The following SLC12A2 variants were observed in gnomAD, a reference collection of about 807,000 sequenced individuals.
SLC12A2 encodes Na-K-2Cl cotransporter 1.
SLC12A2 carries 67 observed loss-of-function variants against 136.3 expected under a neutral mutation model. The observed-to-expected ratio is 0.49, with a 90% confidence interval of 0.40 to 0.60. The LOEUF (loss-of-function observed/expected upper bound fraction) is 0.60. Ranked by LOEUF, SLC12A2 falls within the 20% of genes least tolerant of loss-of-function variation. SLC12A2 has a pLI of 0.00. For synonymous variants in SLC12A2, 619 were observed against 562.9 expected, an observed-to-expected ratio of 1.10 and a Z score of -1.41; for missense variants, 1,322 against 1,534.7, an observed-to-expected ratio of 0.86 and a Z score of 2.32.
intron 20 of SLC12A2, among the ~76,000 whole-genome samples, chr5:128,175,926 T>C (rs1214441208): frequency 6.6e-6 from 1 of 152,036 alleles, no homozygotes; most frequent in Non-Finnish European, 1.5e-5. Context: ...TAATATTAAA[T>C]CTAATGATTC....
At chr5:128,155,838 G>T (rs140959881) in intron 15 of SLC12A2, among the ~76,000 whole-genome samples, 2 of 152,226 alleles carry the variant, frequency 1.3e-5, no homozygotes, top group African/African-American at 2.4e-5. Flanking sequence ...GATCTGATTA[G>T]ATTTTCCAGA....
rs1763803165 is a variant in SLC12A2 at position 128,184,445 on chromosome 5, AAAG to A, written c.3384_3386del (p.Glu1128del). ...AGAGCAAGATATTGCAGATAAAATGAAAGAAGATGAACCATGGCGAATAACAGA... is the reference window on the plus strand; with the variant it reads ...AGAGCAAGATATTGCAGATAAAATGAAAGATGAACCATGGCGAATAACAGA... On this transcript the variant is annotated inframe_deletion, in exon 25 of 27. Coordinates refer to ENST00000262461, the MANE Select transcript of SLC12A2 (RefSeq NM_001046.3). 4.4e-6 allele frequency: 7 copies of A among 1,608,972 alleles called. No homozygotes were observed. Among genetic ancestry groups the A allele is most frequent in the Non-Finnish European group, 5.9e-6 (7 of 1,176,956 alleles).
chr5:128,178,091 A>G (rs907192694), intron 21 of SLC12A2, among the ~76,000 whole-genome samples: 1 of 151,912 alleles, frequency 6.6e-6, no homozygotes, highest in African/African-American at 2.4e-5. Flanking sequence ...TATGTCTTCA[A>G]CTCCCATCTT....
intron 4 of SLC12A2, among the ~76,000 whole-genome samples, chr5:128,121,861 G>A (rs1761594168): frequency 6.6e-6 from 1 of 152,154 alleles, no homozygotes; most frequent in South Asian, 2.1e-4. Flanking sequence ...ATTTTATAGA[G>A]TTTCCACGGA....
intron 15 of SLC12A2, 70 bp from the exon 16 acceptor site, chr5:128,157,983 A>G (rs1480381616): frequency 7.7e-7 from 1 of 1,299,232 alleles, no homozygotes. Context: ...TTCTTAGGGA[A>G]ACAACTTAAA....
In SLC12A2 at chr5:128,134,168, C is replaced by G; in HGVS notation, c.1192C>G (p.His398Asp). The change falls in exon 6 of 27, where the codon CAT becomes GAT. Residue 398 changes from histidine to aspartate, a missense_variant. Physicochemically the swap from His to Asp is moderately conservative, Grantham distance 81 (BLOSUM62 -1). Around this residue, in one of 8 missense-constraint regions of SLC12A2, gnomAD observed 110 missense variants for 114.5 expected, o/e 0.96. Transcript: ENST00000262461. The part of the protein sequence containing the change: ...AETVVELLKE[H>D]SILMIDEIND... ...TATTTATGATTCCTTTTTCTAGGAA[C>G]ATTCCATACTTATGATAGATGAAAT... The G allele has an allele frequency of 6.6e-7, 1 of 1,508,040 alleles. No individual in the cohort carries two copies. The highest frequency in any genetic ancestry group is 1.1e-5 in the South Asian group (1 of 87,502). 93.4% of individuals were successfully genotyped at this position (1,508,040 alleles called of 1,614,324 possible).
intron 26 of SLC12A2, 61 bp downstream of exon 26, chr5:128,184,917 T>A: frequency 7.1e-7 from 1 of 1,409,508 alleles, no homozygotes; most frequent in Non-Finnish European, 1.0e-6. Context: ...TTGAATTAAT[T>A]TCTATTCCAA....
chr5:128,134,978 A>G (rs1378006776), intron 6 of SLC12A2, among the ~76,000 whole-genome samples: 2 of 152,118 alleles, frequency 1.3e-5, no homozygotes, highest in African/African-American at 4.8e-5. Context: ...GTAAAGTCAT[A>G]TTAGTGTAAA....
intron 10 of SLC12A2, among the ~76,000 whole-genome samples, chr5:128,142,488 G>A (rs1365194775): frequency 6.6e-6 from 1 of 152,056 alleles, no homozygotes; most frequent in East Asian, 1.9e-4. Flanking sequence ...ATGTTCAAGA[G>A]CAAAGAGCCC....
At chr5:128,089,169 CAAAAAAA>C (rs34686489) in intron 1 of SLC12A2, among the ~76,000 whole-genome samples, 1 of 119,780 alleles carries the variant, frequency 8.3e-6, no homozygotes, top group Non-Finnish European at 1.7e-5. Context: ...ACTTTGTCTC[CAAAAAAA>C]AAAAAAAAAA....
At chr5:128,114,921 T>C (rs1422365983) in intron 4 of SLC12A2, among the ~76,000 whole-genome samples, 1 of 152,174 alleles carries the variant, frequency 6.6e-6, no homozygotes, top group African/African-American at 2.4e-5. Context: ...GCATCTACTT[T>C]GGTCTCTTAT....
intron 17 of SLC12A2, among the ~76,000 whole-genome samples, chr5:128,163,256 C>T (rs1241097568): frequency 6.6e-6 from 1 of 152,168 alleles, no homozygotes; most frequent in Non-Finnish European, 1.5e-5. Context: ...AGGCCGGGCA[C>T]AGTGGCTCAC....
intron 1 of SLC12A2, among the ~76,000 whole-genome samples, chr5:128,103,147 C>T (rs1760806203): frequency 6.6e-6 from 1 of 152,162 alleles, no homozygotes; most frequent in Non-Finnish European, 1.5e-5. Flanking sequence ...ATTTTTTCAA[C>T]TTGAAAATAA....
chr5:128,170,957 G>T (rs1159609811), intron 18 of SLC12A2: 1 of 152,110 alleles, frequency 6.6e-6, no homozygotes, highest in Non-Finnish European at 1.5e-5. Context: ...TTAGCCAGGC[G>T]TGCTGGTGTG....
At position 128,102,596 on chromosome 5, in the gene SLC12A2, CTTTTTTTTTTTTTTTT is replaced by C. The variant is rs70997362; in HGVS notation, c.757-10202_757-10187del. On this transcript the variant is annotated intron_variant, in intron 1 of 26. Coordinates refer to ENST00000262461, the MANE Select transcript of SLC12A2 (RefSeq NM_001046.3). ...TTCTGTAATTCACCCCCCCCCCCGC[CTTTTTTTTTTTTTTTT>C]TTTTTTTTTTTTTTTCTTTTGAGGT... 1.3e-3 allele frequency among the ~76,000 whole-genome samples: 51 copies of C among 40,464 alleles called. 1 individual carries two copies. Among genetic ancestry groups the C allele is most frequent in the Admixed American group, 2.5e-3 (8 of 3,258 alleles). 26.5% of individuals were successfully genotyped at this position (40,464 alleles called of 152,430 possible).
chr5:128,084,502 G>A lies in SLC12A2; in HGVS notation c.548G>A (p.Ser183Asn). The stretch of plus-strand genomic sequence containing the variant: ...GGGGACACGGTGCTGAGCGAGGGCA[G>A]CAGCCTGCACTCCGGCGGCGGCGGC... ...NGGDTVLSEG[S>N]SLHSGGGGGS... The change falls in exon 1 of 27, where the codon AGC becomes AAC. Residue 183 changes from serine to asparagine, a missense_variant. Physicochemically the swap from Ser to Asn is conservative, Grantham distance 46. Transcript: ENST00000262461. The surrounding 1 kb of genome is among the most constrained non-coding windows in gnomAD (Gnocchi z 5.6). 1 of 1,612,756 alleles carries A rather than the reference G, an allele frequency of 6.2e-7. No homozygotes were observed.
Position 128,114,294 on chromosome 5 carries a change from G to T in SLC12A2, c.952+7G>T. The T allele has an allele frequency of 6.2e-7, 1 of 1,603,806 alleles. No homozygotes were observed. The highest frequency in any genetic ancestry group is 2.2e-5 in the East Asian group (1 of 44,750). Reference sequence around the variant, plus strand: ...GTGGGTCAAGCTGGAATAGGTAAGTGAAGTTATATCCTGCTTGATTTGAGA... The same window carrying T: ...GTGGGTCAAGCTGGAATAGGTAAGTTAAGTTATATCCTGCTTGATTTGAGA... On this transcript the variant is annotated splice_region_variant and intron_variant, in intron 3 of 26. Coordinates refer to ENST00000262461, the MANE Select transcript of SLC12A2 (RefSeq NM_001046.3).
At chr5:128,085,807 G>A (rs1482106635) in intron 1 of SLC12A2, among the ~76,000 whole-genome samples, 1 of 152,162 alleles carries the variant, frequency 6.6e-6, no homozygotes, top group African/African-American at 2.4e-5. Flanking sequence ...TTGTCCCAGT[G>A]TTTGATAATG....
chr5:128,175,642 G>A lies in SLC12A2; in HGVS notation c.2929+976G>A, dbSNP rs971311733. 1.4e-4 allele frequency among the ~76,000 whole-genome samples: 22 copies of A among 151,830 alleles called. 1 individual carries two copies. Among genetic ancestry groups the A allele is most frequent in the Middle Eastern group, 3.4e-3 (1 of 292 alleles). On this transcript the variant is annotated intron_variant, in intron 20 of 26. Coordinates refer to ENST00000262461, the MANE Select transcript of SLC12A2 (RefSeq NM_001046.3). ...TACTCCGTGCACCCAACATTATAAT[G>A]GATGTTACCCATACATTAGCTAATT...
Sources: gnomAD v4.1 joint callset for allele counts (sites outside exome capture counted in the v4.1 genomes callset) on GRCh38, gnomAD v4.1.1 for gene constraint, gnomAD v4.1.1 regional missense constraint, Gnocchi (gnomAD v3.1) non-coding constraint, MANE v1.5 for transcripts, NCBI Gene and HGNC (gene_info 2026-07-23, HGNC 2026-07-21) for gene names.